Variants in FGF9 observed in about 807,000 individuals in gnomAD.
The protein encoded by FGF9 is fibroblast growth factor 9, also known as fibroblast growth factor 9 (glia-activating factor).
In FGF9, 3 loss-of-function variants were observed where a neutral mutation model predicts 19.9. The observed-to-expected ratio is 0.15, with a 90% CI of 0.07 to 0.39. The LOEUF (loss-of-function observed/expected upper bound fraction) is 0.39. Among genes scored for constraint, FGF9 ranks in the 10% least tolerant of loss-of-function variants. FGF9 has a pLI of 1.00. For synonymous variants in FGF9, 107 were observed against 106.9 expected, an observed-to-expected ratio of 1.00 and a Z score of -0.01; for missense variants, 175 against 256.8, an observed-to-expected ratio of 0.68 and a Z score of 2.18.
At chr13:21,673,585 G>T (rs973066726) in intron 1 of FGF9, among the ~76,000 whole-genome samples, 9 of 152,236 alleles carry the variant, frequency 5.9e-5, no homozygotes, top group Non-Finnish European at 1.3e-4. Context: ...GGTAGATTCT[G>T]GTTGTTGCAA....
intron 2 of FGF9, among the ~76,000 whole-genome samples, chr13:21,689,407 G>A (rs1269686066): frequency 6.6e-6 from 1 of 151,904 alleles, no homozygotes; most frequent in Non-Finnish European, 1.5e-5. Context: ...CCTAATGAAT[G>A]TTGAACGAAT....
chr13:21,697,758 G>A (rs1464156822), intron 2 of FGF9, among the ~76,000 whole-genome samples: 2 of 151,160 alleles, frequency 1.3e-5, no homozygotes, highest in Non-Finnish European at 2.9e-5. Flanking sequence ...TCCTCCTGCA[G>A]ATAAATAGAA....
At chr13:21,700,133 G>A (rs1353829502) in intron 2 of FGF9, among the ~76,000 whole-genome samples, 3 of 152,012 alleles carry the variant, frequency 2.0e-5, no homozygotes, top group Non-Finnish European at 4.4e-5. Context: ...CTTTCATAAA[G>A]CTCGAGTAGA....
chr13:21,676,376 T>C (rs1871915771), intron 1 of FGF9, among the ~76,000 whole-genome samples: 2 of 152,160 alleles, frequency 1.3e-5, no homozygotes, highest in South Asian at 4.2e-4. Flanking sequence ...GTTTAAAACT[T>C]ATTTCCAGGG....
At chr13:21,694,153 G>A (rs1032309216) in intron 2 of FGF9, among the ~76,000 whole-genome samples, 1 of 152,014 alleles carries the variant, frequency 6.6e-6, no homozygotes, top group Non-Finnish European at 1.5e-5. Flanking sequence ...AATGTTAATC[G>A]ACTCACCCAC....
At chr13:21,673,328 G>C (rs1274322885) in intron 1 of FGF9, among the ~76,000 whole-genome samples, 2 of 152,058 alleles carry the variant, frequency 1.3e-5, no homozygotes, top group Non-Finnish European at 2.9e-5. Flanking sequence ...TGTATGTTTA[G>C]CTTCGTGCGG....
At chr13:21,676,000 T>A (rs1191355415) in intron 1 of FGF9, among the ~76,000 whole-genome samples, 1 of 151,956 alleles carries the variant, frequency 6.6e-6, no homozygotes, top group Non-Finnish European at 1.5e-5. Flanking sequence ...CTCGCAATTG[T>A]ATCTCTGTGC....
chr13:21,696,292 T>C (rs892218688), intron 2 of FGF9, among the ~76,000 whole-genome samples: 4 of 152,214 alleles, frequency 2.6e-5, no homozygotes, highest in Admixed American at 2.0e-4. Context: ...AATTTGATGA[T>C]ATAAAATGAA....
chr13:21,675,525 C>T (rs1315753366), intron 1 of FGF9, among the ~76,000 whole-genome samples: 1 of 152,008 alleles, frequency 6.6e-6, no homozygotes, highest in Non-Finnish European at 1.5e-5. Context: ...TGCGGTGCCC[C>T]GGCTCTGGCA....
At position 21,703,046 on chromosome 13, in the gene FGF9, A is replaced by G. The variant is rs1239493434; in HGVS notation, c.*1611A>G. On this transcript the variant is annotated 3_prime_UTR_variant, in exon 3 of 3. Transcript: ENST00000382353. ...AACTTGCCCTTGGGCAAGCGAGACTATTTCTTACTATATACTAAGGAGAAA... is the reference window on the plus strand; with the variant it reads ...AACTTGCCCTTGGGCAAGCGAGACTGTTTCTTACTATATACTAAGGAGAAA... 1 of 152,234 alleles carries G rather than the reference A, an allele frequency of 6.6e-6. No individual in the cohort carries two copies. The highest frequency in any genetic ancestry group is 1.5e-5 in the Non-Finnish European group (1 of 68,046). The allele number at this position is 152,234 out of a possible 1,614,324, so 9.4% of individuals were successfully genotyped here.
chr13:21,671,203 T>TCGCTCGC lies in FGF9; in HGVS notation c.-701_-695dup, dbSNP rs1254593520. On this transcript the variant is annotated 5_prime_UTR_variant, in exon 1 of 3. Coordinates refer to ENST00000382353, the MANE Select transcript of FGF9 (RefSeq NM_002010.3). ...CGCGAGCTCCCGGACGCGGCTCTCC[T>TCGCTCGC]CGCTCGCCGCTCGCCACCCGTTCTA... 3.9e-5 allele frequency among the ~76,000 whole-genome samples: 6 copies of TCGCTCGC among 152,246 alleles called. No individual in the cohort carries two copies. The highest frequency in any genetic ancestry group is 7.3e-5 in the Non-Finnish European group (5 of 68,036).
chr13:21,697,096 AATTGGAATTGGACT>A (rs1872426211), intron 2 of FGF9, among the ~76,000 whole-genome samples: 1 of 152,210 alleles, frequency 6.6e-6, no homozygotes, highest in South Asian at 2.1e-4. Context: ...TGTATGAGAC[AATTGGAATTGGACT>A]CAGCCATCAC....
At chr13:21,696,460 T>TA (rs948013198) in intron 2 of FGF9, among the ~76,000 whole-genome samples, 2 of 151,384 alleles carry the variant, frequency 1.3e-5, no homozygotes, top group Admixed American at 6.6e-5. Flanking sequence ...TTAAATAATC[T>TA]AAAAAAAAAT....
In FGF9 at chr13:21,702,258, A is replaced by G. The variant is rs1228957902; in HGVS notation, c.*823A>G. 1.3e-5 allele frequency: 2 copies of G among 152,214 alleles called. No individual in the cohort carries two copies. Among genetic ancestry groups the G allele is most frequent in the East Asian group, 1.9e-4 (1 of 5,206 alleles). The allele number at this position is 152,214 out of a possible 1,614,324, so 9.4% of individuals were successfully genotyped here. A position where few individuals can be genotyped will look rare whatever the true frequency, so the allele number is the denominator to read the frequency against. ...TAATGACCCTAATGTACTAAAGGCG[A>G]CAATCTCTTTTGTGCCCATATTATT... On this transcript the variant is annotated 3_prime_UTR_variant, in exon 3 of 3. Coordinates refer to ENST00000382353, the MANE Select transcript of FGF9 (RefSeq NM_002010.3).
rs1412359435 is a variant in FGF9 at position 21,672,326 on chromosome 13, C to T, written c.277+137C>T. 3.1e-6 allele frequency: 3 copies of T among 971,670 alleles called. No individual in the cohort carries two copies. In the East Asian group the frequency reaches 7.5e-5, roughly 24 times the overall value. 60.2% of individuals were successfully genotyped at this position (971,670 alleles called of 1,614,324 possible). ...TCTTTCTCTGTATCTCTGTCTCTCT[C>T]TCTCTCTGTCTTGCCAGCTCCGAAA... On this transcript the variant is annotated intron_variant, in intron 1 of 2. Coordinates refer to ENST00000382353, the MANE Select transcript of FGF9 (RefSeq NM_002010.3). This position sits in a 1 kb window ranked among gnomAD's most constrained non-coding sequence, Gnocchi z 4.2.
chr13:21,688,625 A>G (rs989444481), intron 2 of FGF9, among the ~76,000 whole-genome samples: 4 of 152,224 alleles, frequency 2.6e-5, no homozygotes, highest in African/African-American at 4.8e-5. Context: ...GCATGTTAAG[A>G]GTGGCCATCC....
chr13:21,683,061 C>G (rs1872080369), intron 2 of FGF9, among the ~76,000 whole-genome samples: 1 of 152,084 alleles, frequency 6.6e-6, no homozygotes, highest in African/African-American at 2.4e-5. Flanking sequence ...AAATAGGGCC[C>G]TACTATTTGT....
At chr13:21,697,745 C>T (rs986977262) in intron 2 of FGF9, among the ~76,000 whole-genome samples, 13 of 151,958 alleles carry the variant, frequency 8.6e-5, no homozygotes, top group African/African-American at 3.1e-4. Context: ...CCTCTCCACT[C>T]ATTCCTCCTG....
intron 1 of FGF9, among the ~76,000 whole-genome samples, chr13:21,678,475 GA>G (rs1871965954): frequency 6.6e-6 from 1 of 152,184 alleles, no homozygotes. Context: ...GGGATTAAAT[GA>G]GAGACGGCCT....
Sources: allele counts gnomAD v4.1 joint callset (sites outside exome capture counted in the v4.1 genomes callset), GRCh38; gene constraint gnomAD v4.1.1; non-coding constraint Gnocchi (gnomAD v3.1); transcripts MANE v1.5; gene names NCBI Gene and HGNC (gene_info 2026-07-23, HGNC 2026-07-21).